Variants in SSPN observed in about 807,000 individuals in gnomAD.
The protein encoded by SSPN is sarcospan.
A neutral mutation model predicts 19.1 loss-of-function variants in SSPN; 15 were observed. The observed-to-expected ratio is 0.78, with a 90% CI of 0.52 to 1.21. The LOEUF (loss-of-function observed/expected upper bound fraction) is 1.21, where lower values mean the gene tolerates loss of function less well. SSPN is among the 50% of genes most tolerant of loss of function. SSPN has a pLI of 0.00. For missense variants in SSPN, 291 were observed against 314.0 expected, an observed-to-expected ratio of 0.93 and a Z score of 0.55; for synonymous variants, 147 against 140.3, an observed-to-expected ratio of 1.05 and a Z score of -0.34.
chr12:26,220,877 A>G (rs941593987), intron 1 of SSPN, among the ~76,000 whole-genome samples: 3 of 151,958 alleles, frequency 2.0e-5, no homozygotes, highest in Admixed American at 1.3e-4. Context: ...ACTCAAACAC[A>G]CCCACTCCCT....
chr12:26,197,983 C>G (rs1446000355), intron 1 of SSPN, among the ~76,000 whole-genome samples: 2 of 152,214 alleles, frequency 1.3e-5, no homozygotes, highest in Non-Finnish European at 2.9e-5. Flanking sequence ...GTGTCACTGT[C>G]TCACACAGAC....
intron 1 of SSPN, among the ~76,000 whole-genome samples, chr12:26,138,185 T>C (rs1336636967): frequency 6.6e-6 from 1 of 152,208 alleles, no homozygotes; most frequent in South Asian, 2.1e-4. Context: ...AAACACTGAA[T>C]TTTTAAATTT....
chr12:26,188,162 T>C (rs1338706884), intron 1 of SSPN, among the ~76,000 whole-genome samples: 1 of 152,186 alleles, frequency 6.6e-6, no homozygotes, highest in East Asian at 1.9e-4. Context: ...TTAAGGAACA[T>C]GTCCACAGTC....
At chr12:26,163,199 G>T (rs890816713) in intron 1 of SSPN, among the ~76,000 whole-genome samples, 1 of 152,104 alleles carries the variant, frequency 6.6e-6, no homozygotes, top group Admixed American at 6.6e-5. Context: ...GGAAGGTGTA[G>T]ACCTGAATGG....
intron 1 of SSPN, among the ~76,000 whole-genome samples, chr12:26,161,674 C>CA (rs1944589929): frequency 6.6e-6 from 1 of 152,180 alleles, no homozygotes; most frequent in South Asian, 2.1e-4. Flanking sequence ...AGTGGTTCCC[C>CA]AATCTTTTTG....
At chr12:26,174,835 C>G (rs1944674900) in intron 1 of SSPN, among the ~76,000 whole-genome samples, 2 of 152,222 alleles carry the variant, frequency 1.3e-5, no homozygotes, top group South Asian at 4.1e-4. Flanking sequence ...CCTACCATTT[C>G]TAGAAACCAT....
chr12:26,162,557 C>T (rs1944595761), intron 1 of SSPN, among the ~76,000 whole-genome samples: 1 of 152,196 alleles, frequency 6.6e-6, no homozygotes, highest in South Asian at 2.1e-4. Context: ...AGCTAACCTT[C>T]AGCATTTTGG....
At chr12:26,141,922 G>A (rs560246324) in intron 1 of SSPN, among the ~76,000 whole-genome samples, 2 of 152,140 alleles carry the variant, frequency 1.3e-5, no homozygotes, top group Non-Finnish European at 2.9e-5. Flanking sequence ...ACTCATATGG[G>A]GAGTCACAGG....
chr12:26,227,666 G>C (rs1161472815), intron 2 of SSPN, among the ~76,000 whole-genome samples: 1 of 152,140 alleles, frequency 6.6e-6, no homozygotes. Flanking sequence ...ACTTAAATAG[G>C]CTCCTGTATA....
chr12:26,195,641 G>GCTGGGCCCCCCCCCCCCC lies in SSPN; in HGVS notation c.-31_-30insTGGGCCCCCCCCCCCCCC. The GCTGGGCCCCCCCCCCCCC allele has an allele frequency of 9.0e-7, 1 of 1,105,402 alleles. No individual in the cohort carries two copies. Among genetic ancestry groups the GCTGGGCCCCCCCCCCCCC allele is most frequent in the East Asian group, 3.5e-5 (1 of 28,496 alleles). The allele number at this position is 1,105,402 out of a possible 1,614,324, so 68.5% of individuals were successfully genotyped here. A position where few individuals can be genotyped will look rare whatever the true frequency, so the allele number is the denominator to read the frequency against. On this transcript the variant is annotated 5_prime_UTR_variant, in exon 1 of 3. Coordinates refer to ENST00000242729, the MANE Select transcript of SSPN (RefSeq NM_005086.5). ...CTCCAGGGCCCAGGGCGCCGCACAC[G>GCTGGGCCCCCCCCCCCCC]CACCCACCCACCCACCCAGCCTCGC...
chr12:26,209,974 A>C (rs1321744299), intron 1 of SSPN, among the ~76,000 whole-genome samples: 1 of 152,130 alleles, frequency 6.6e-6, no homozygotes, highest in South Asian at 2.1e-4. Flanking sequence ...CAACCCTTCC[A>C]GATGGGTTTG....
At chr12:26,201,024 TATATATATATATATATATATATTA>T (rs1313750903) in intron 1 of SSPN, among the ~76,000 whole-genome samples, 11 of 31,312 alleles carry the variant, frequency 3.5e-4, no homozygotes, top group African/African-American at 6.2e-4. Context: ...TATATATATA[TATATATATATATATATATATATTA>T]TATATATATA....
upstream of SSPN, among the ~76,000 whole-genome samples, chr12:26,194,528 G>C (rs1266980469): frequency 6.6e-6 from 1 of 152,212 alleles, no homozygotes; most frequent in African/African-American, 2.4e-5. Flanking sequence ...TGAGACTACA[G>C]GTGCGTGCCA....
At chr12:26,141,375 C>G (rs1944459710) in intron 1 of SSPN, among the ~76,000 whole-genome samples, 1 of 152,140 alleles carries the variant, frequency 6.6e-6, no homozygotes. Flanking sequence ...AAGGAGTGCT[C>G]CCTTGCAAAC....
chr12:26,230,694 C>A lies in SSPN; in HGVS notation c.367-17C>A, dbSNP rs373520696. On this transcript the variant is annotated splice_polypyrimidine_tract_variant and intron_variant, in intron 2 of 2. Transcript: ENST00000242729. ...TGTTCTTTGTAACCAGAAAGGTTTT[C>A]TTCTGCTTTCTTGCAGCTGTTATAC... 9 of 1,584,970 alleles carry A rather than the reference C, an allele frequency of 5.7e-6. No homozygotes were observed. In the African/African-American group the frequency reaches 1.1e-4, roughly 19 times the overall value.
At chr12:26,147,308 T>A (rs1393942240) in intron 1 of SSPN, among the ~76,000 whole-genome samples, 1 of 151,698 alleles carries the variant, frequency 6.6e-6, no homozygotes, top group Admixed American at 6.6e-5. Context: ...AGTCTTGCTC[T>A]GTAGCCTAGG....
At chr12:26,145,010 C>A (rs190062340) in intron 1 of SSPN, among the ~76,000 whole-genome samples, 4 of 152,144 alleles carry the variant, frequency 2.6e-5, no homozygotes, top group African/African-American at 9.7e-5. Flanking sequence ...TGTTATATTA[C>A]GACTTCACCC....
chr12:26,176,221 G>A (rs1385502747), intron 1 of SSPN, among the ~76,000 whole-genome samples: 5 of 152,098 alleles, frequency 3.3e-5, no homozygotes, highest in African/African-American at 4.8e-5. Context: ...CTCTCTTCAC[G>A]TAGATATTTT....
intron 1 of SSPN, chr12:26,124,405 GT>G: frequency 8.3e-7 from 1 of 1,208,178 alleles, no homozygotes; most frequent in Non-Finnish European, 1.2e-6. Context: ...AAAATTCACA[GT>G]TGGGGAAGCT....
Sources: allele counts gnomAD v4.1 joint callset (sites outside exome capture counted in the v4.1 genomes callset), GRCh38; gene constraint gnomAD v4.1.1; transcripts MANE v1.5; gene names NCBI Gene and HGNC (gene_info 2026-07-23, HGNC 2026-07-21).